Variants in ISG20L2 observed in about 807,000 individuals in gnomAD.
ISG20L2 encodes interferon stimulated exonuclease gene 20 like 2, also known as interferon-stimulated 20 kDa exonuclease-like 2.
A neutral mutation model predicts 27.8 loss-of-function variants in ISG20L2; 14 were observed. The ratio of observed to expected loss-of-function variants is 0.50; its 90% confidence interval spans 0.33 to 0.79. The LOEUF (loss-of-function observed/expected upper bound fraction) is 0.79. ISG20L2 is among the 30% of genes least tolerant of loss of function. The pLI, the probability that ISG20L2 is intolerant of heterozygous loss-of-function variation, is 0.02. For missense variants in ISG20L2, 393 were observed against 435.1 expected (o/e 0.90, Z 0.86); for synonymous variants, 157 against 165.7 (o/e 0.95, Z 0.40).
In ISG20L2 at chr1:156,724,552, T is replaced by G. The variant is rs1358797643; in HGVS notation, c.748-204A>C. 7.3e-6 allele frequency: 10 copies of G among 1,368,998 alleles called. No homozygotes were observed. In the Admixed American group the frequency reaches 2.2e-4, roughly 30 times the overall value. 84.8% of individuals were successfully genotyped at this position (1,368,998 alleles called of 1,614,324 possible). ...CACAGGTGATTTCCATGGTATACCC[T>G]GTTTGGACTCATACTGCCAGTGGCT... On this transcript the variant is annotated intron_variant, in intron 2 of 3. Coordinates refer to ENST00000368219, the MANE Select transcript of ISG20L2 (RefSeq NM_001370150.2).
At chr1:156,724,399 C>A in intron 2 of ISG20L2, 51 bp from the exon 3 acceptor site, 1 of 1,513,042 alleles carries the variant, frequency 6.6e-7, no homozygotes, top group South Asian at 1.2e-5. Flanking sequence ...GAAGTGGAAC[C>A]CCTGCATTCT....
At position 156,727,364 on chromosome 1, in the gene ISG20L2, C is replaced by T; in HGVS notation, c.289G>A (p.Ala97Thr). The T allele has an allele frequency of 1.2e-6, 2 of 1,614,200 alleles. No individual in the cohort carries two copies. The highest frequency in any genetic ancestry group is 1.7e-6 in the Non-Finnish European group (2 of 1,180,034). ...GGGGCAGGGGTCAACCAAGACACTG[C>T]AGCTTTCTTGTCCAGGGGCTGTCCT... ...GSGQPLDKKA[A>T]VSWLTPAPSK... Residue 97 changes from alanine (A) to threonine (T), a missense_variant, in exon 2 of 4, where the codon GCA becomes ACA. Coordinates refer to ENST00000368219, the MANE Select transcript of ISG20L2 (RefSeq NM_001370150.2).
chr1:156,727,432 G>A lies in ISG20L2; in HGVS notation c.221C>T (p.Pro74Leu). Residue 74 changes from proline to leucine, a missense_variant, in exon 2 of 4, where the codon CCT becomes CTT. Pro to Leu is a moderately conservative substitution (Grantham distance 98, BLOSUM62 -3). Around this residue, in one of 3 missense-constraint regions of ISG20L2, gnomAD observed 183 missense variants for 168.2 expected, o/e 1.09. Transcript: ENST00000368219. ...TPTVDGTWKT[P>L]SFPKKKTAAS... Reference sequence around the variant, plus strand: ...AGCTGTCTTCTTTTTTGGGAAGGAAGGGGTCTTCCAAGTGCCATCGACCGT... The same window carrying A: ...AGCTGTCTTCTTTTTTGGGAAGGAAAGGGTCTTCCAAGTGCCATCGACCGT... The A allele has an allele frequency of 1.2e-6, 2 of 1,614,040 alleles. No homozygotes were observed. Among genetic ancestry groups the A allele is most frequent in the East Asian group, 2.2e-5 (1 of 44,890 alleles).
intron 1 of ISG20L2, 106 bp downstream of exon 1, chr1:156,728,309 C>T (rs1022734599): frequency 2.0e-6 from 2 of 985,734 alleles, no homozygotes; most frequent in Non-Finnish European, 2.4e-6. Flanking sequence ...GACCTTGACA[C>T]CATCTACCAG....
intron 1 of ISG20L2, chr1:156,728,139 CAGTG>C (rs1419547353): frequency 1.1e-5 from 11 of 988,612 alleles, no homozygotes; most frequent in East Asian, 1.1e-4. Flanking sequence ...TGCTCAAAAA[CAGTG>C]AGAAGTATGG....
intron 2 of ISG20L2, chr1:156,724,955 CTGT>C (rs1558013064): frequency 2.0e-5 from 3 of 151,870 alleles, no homozygotes; most frequent in Admixed American, 6.6e-5. Context: ...TTTCAGGAAA[CTGT>C]TTTTTTTTTT....
rs570727018 is a variant in ISG20L2, at chr1:156,722,967, A to G, written c.*382T>C. On this transcript the variant is annotated 3_prime_UTR_variant, in exon 4 of 4. Transcript: ENST00000368219. ...TGTTAATTACTCAAGACCAAAAGGCATAAAAGGAGACATATGTCCACCCAA... is the reference window on the plus strand; with the variant it reads ...TGTTAATTACTCAAGACCAAAAGGCGTAAAAGGAGACATATGTCCACCCAA... The G allele has an allele frequency of 5.1e-5, 10 of 195,156 alleles. No individual in the cohort carries two copies. The South Asian group carries it at 8.6e-4, about 17-fold the overall frequency. 12.1% of individuals were successfully genotyped at this position (195,156 alleles called of 1,614,324 possible).
Position 156,728,425 on chromosome 1 carries a change from G to A in ISG20L2, c.-128C>T, listed in dbSNP as rs1273805810. ...CGCTCACAAACCTACCTCCCAGACG[G>A]GTCCAGCTAAGACCGGAAGCGTCCG... On this transcript the variant is annotated 5_prime_UTR_variant, in exon 1 of 4. Coordinates refer to ENST00000368219, the MANE Select transcript of ISG20L2 (RefSeq NM_001370150.2). 1.0e-6 allele frequency: 1 copy of A among 985,676 alleles called. No homozygotes were observed. Among genetic ancestry groups the A allele is most frequent in the Admixed American group, 6.1e-5 (1 of 16,290 alleles). 61.1% of individuals were successfully genotyped at this position (985,676 alleles called of 1,614,324 possible).
chr1:156,723,915 T>G, intron 3 of ISG20L2: 1 of 1,325,546 alleles, frequency 7.5e-7, no homozygotes, highest in Non-Finnish European at 9.7e-7. Flanking sequence ...GCTTTCTTCC[T>G]TAGTTAGGGT....
At position 156,728,594 on chromosome 1, in the gene ISG20L2, C is replaced by A. The variant is rs1334600800; in HGVS notation, c.-297G>T. 3 of 944,746 alleles carry A rather than the reference C, an allele frequency of 3.2e-6. No individual in the cohort carries two copies. In the African/African-American group the frequency reaches 5.5e-5, roughly 17 times the overall value. The allele number at this position is 944,746 out of a possible 1,614,324, so 58.5% of individuals were successfully genotyped here. On this transcript the variant is annotated 5_prime_UTR_variant, in exon 1 of 4. Transcript: ENST00000368219. The stretch of plus-strand genomic sequence containing the variant: ...CCAGTGATTCCGAGTGTGTGAGGAG[C>A]GGCAGTGGCGGCGGAGGAGGGGGCG...
Position 156,728,504 on chromosome 1 carries a change from C to T in ISG20L2, c.-207G>A, listed in dbSNP as rs1648923539. ...GACGAAGCCCGGGAAGGCAGGCGCG[C>T]GGGTTAGAACGCGCCAGAGGTCGGC... On this transcript the variant is annotated 5_prime_UTR_variant, in exon 1 of 4. Transcript: ENST00000368219. 2 of 985,352 alleles carry T rather than the reference C, an allele frequency of 2.0e-6. No homozygotes were observed. The highest frequency in any genetic ancestry group is 4.7e-5 in the South Asian group (1 of 21,422). 61.0% of individuals were successfully genotyped at this position (985,352 alleles called of 1,614,324 possible).
chr1:156,723,184 A>G lies in ISG20L2; in HGVS notation c.*165T>C, dbSNP rs1648608930. ...CACTTAACCAGACACAGGACACAAC[A>G]CCTGAGGTGAAATTTCAATGGGTAT... On this transcript the variant is annotated 3_prime_UTR_variant, in exon 4 of 4. Coordinates refer to ENST00000368219, the MANE Select transcript of ISG20L2 (RefSeq NM_001370150.2). 1.2e-6 allele frequency: 1 copy of G among 817,134 alleles called. No homozygotes were observed. The highest frequency in any genetic ancestry group is 2.5e-5 in the Admixed American group (1 of 39,238). The allele number at this position is 817,134 out of a possible 1,614,324, so 50.6% of individuals were successfully genotyped here.
At chr1:156,724,459 C>T in intron 2 of ISG20L2, 111 bp from the exon 3 acceptor site, 4 of 1,388,058 alleles carry the variant, frequency 2.9e-6, no homozygotes, top group Non-Finnish European at 3.8e-6. Context: ...CACCAACTGC[C>T]TACCTCTCCA....
At position 156,723,667 on chromosome 1, in the gene ISG20L2, C is replaced by A. The variant is rs188107761; in HGVS notation, c.949-205G>T. The A allele has an allele frequency of 6.1e-6, 6 of 985,362 alleles. No homozygotes were observed. The South Asian group carries it at 2.8e-4, about 46-fold the overall frequency. 61.0% of individuals were successfully genotyped at this position (985,362 alleles called of 1,614,324 possible). The stretch of plus-strand genomic sequence containing the variant: ...CCTAGGAAGTCTTTGCCACTGTCTA[C>A]CTCAGTCCTTTCTGTGGCAGTATGT... On this transcript the variant is annotated intron_variant, in intron 3 of 3. Transcript: ENST00000368219.
chr1:156,727,839 C>T (rs1648869719), intron 1 of ISG20L2, 70 bp from the exon 2 acceptor site: 1 of 1,404,862 alleles, frequency 7.1e-7, no homozygotes, highest in African/African-American at 1.4e-5. Flanking sequence ...GCTCGATCTC[C>T]GTAGGACTTA....
intron 2 of ISG20L2, chr1:156,726,568 G>A (rs1648770009): frequency 1.3e-6 from 1 of 791,056 alleles, no homozygotes; most frequent in South Asian, 5.7e-5. Flanking sequence ...TAACTTTTTT[G>A]TAGATGAGTT....
intron 2 of ISG20L2, chr1:156,726,391 T>A (rs1176643914): frequency 1.0e-6 from 1 of 985,310 alleles, no homozygotes; most frequent in Admixed American, 6.1e-5. Context: ...AGATTCCCAG[T>A]TCCCCAGACC....
At position 156,727,145 on chromosome 1, in the gene ISG20L2, C is replaced by G; in HGVS notation, c.508G>C (p.Gly170Arg). ...TQAHSENKCS[G>R]ASQKLPRKMV... is the part of the protein sequence containing the mutation. ...TTCCGTGGCAACTTCTGGGATGCTCCGGAGCATTTATTCTCTGAATGAGCT... is the reference window on the plus strand; with the variant it reads ...TTCCGTGGCAACTTCTGGGATGCTCGGGAGCATTTATTCTCTGAATGAGCT... The change falls in exon 2 of 4, where the codon GGA becomes CGA. Residue 170 changes from glycine to arginine, a missense_variant. By Grantham distance (125) the Gly-to-Arg change is moderately radical (BLOSUM62 -2). Coordinates refer to ENST00000368219, the MANE Select transcript of ISG20L2 (RefSeq NM_001370150.2). 1 of 1,614,086 alleles carries G rather than the reference C, an allele frequency of 6.2e-7. No homozygotes were observed. The highest frequency in any genetic ancestry group is 8.5e-7 in the Non-Finnish European group (1 of 1,180,026).
At chr1:156,726,080 A>T (rs1314385968) in intron 2 of ISG20L2, 2 of 985,306 alleles carry the variant, frequency 2.0e-6, no homozygotes, top group Admixed American at 6.1e-5. Flanking sequence ...TGGCCAGCAC[A>T]GGGCTAGGAG....
Sources: gnomAD v4.1 joint callset for allele counts on GRCh38, gnomAD v4.1.1 for gene constraint, gnomAD v4.1.1 regional missense constraint, MANE v1.5 for transcripts, NCBI Gene and HGNC (gene_info 2026-07-23, HGNC 2026-07-21) for gene names.